The following ROBO1 variants were observed in gnomAD, a reference collection of about 807,000 sequenced individuals.
ROBO1 encodes the protein roundabout homolog 1.
ROBO1 carries 149 observed loss-of-function variants against 195.9 expected under a neutral mutation model. That is an observed-to-expected ratio of 0.76 (90% CI 0.67 to 0.87). The LOEUF (loss-of-function observed/expected upper bound fraction) is 0.87, where lower values mean the gene tolerates loss of function less well. Among genes scored for constraint, ROBO1 ranks in the 40% least tolerant of loss-of-function variants. ROBO1 has a pLI of 0.00. For missense variants in ROBO1, 1,933 were observed against 2,068.3 expected (o/e 0.93, Z 1.27); for synonymous variants, 816 against 733.2 (o/e 1.11, Z -1.82).
intron 4 of ROBO1, among the ~76,000 whole-genome samples, chr3:78,809,061 A>G (rs1024270286): frequency 6.6e-6 from 1 of 152,148 alleles, no homozygotes; most frequent in East Asian, 1.9e-4. Flanking sequence ...TGAACAGGCA[A>G]CCTACAGAAT....
At chr3:79,270,042 C>T (rs1020812314) in intron 2 of ROBO1, among the ~76,000 whole-genome samples, 3 of 151,772 alleles carry the variant, frequency 2.0e-5, no homozygotes, top group African/African-American at 7.2e-5. Flanking sequence ...GTGTCTGCTG[C>T]TGCACAGATA....
At chr3:78,832,749 C>A (rs777862341) in intron 4 of ROBO1, among the ~76,000 whole-genome samples, 3 of 152,030 alleles carry the variant, frequency 2.0e-5, no homozygotes, top group Non-Finnish European at 2.9e-5. Flanking sequence ...GTAGAAAAAA[C>A]TAGGCTAGGT....
At chr3:78,735,382 G>A (rs1178397625) in intron 5 of ROBO1, among the ~76,000 whole-genome samples, 1 of 152,126 alleles carries the variant, frequency 6.6e-6, no homozygotes, top group African/African-American at 2.4e-5. Flanking sequence ...ACTTGACCAA[G>A]GTCTGGTTGT....
intron 1 of ROBO1, among the ~76,000 whole-genome samples, chr3:79,744,358 TAAG>T (rs1703780069): frequency 6.6e-6 from 1 of 152,156 alleles, no homozygotes; most frequent in South Asian, 2.1e-4. Flanking sequence ...AAAAAATAGT[TAAG>T]AAATAAACCC....
intron 27 of ROBO1, among the ~76,000 whole-genome samples, chr3:78,615,677 A>G (rs1252088536): frequency 6.6e-6 from 1 of 152,228 alleles, no homozygotes; most frequent in Non-Finnish European, 1.5e-5. Context: ...TCACAAATCC[A>G]GAACTTTCTA....
At chr3:79,142,117 T>C (rs1257519935) in intron 2 of ROBO1, among the ~76,000 whole-genome samples, 4 of 152,116 alleles carry the variant, frequency 2.6e-5, no homozygotes, top group Non-Finnish European at 5.9e-5. Context: ...GAAAATAAAA[T>C]AGCTATTTTT....
At chr3:79,194,712 C>A (rs1175892712) in intron 2 of ROBO1, among the ~76,000 whole-genome samples, 1 of 151,638 alleles carries the variant, frequency 6.6e-6, no homozygotes, top group Admixed American at 6.6e-5. Flanking sequence ...TTCACTTACT[C>A]TTTTATTGTA....
At chr3:79,584,732 G>A (rs1331806849) in intron 2 of ROBO1, among the ~76,000 whole-genome samples, 1 of 150,490 alleles carries the variant, frequency 6.6e-6, no homozygotes, top group Non-Finnish European at 1.5e-5. Context: ...TGTGATTAGA[G>A]ATGAGCCCTC....
At chr3:79,564,467 T>G (rs1263890186) in intron 2 of ROBO1, among the ~76,000 whole-genome samples, 1 of 152,084 alleles carries the variant, frequency 6.6e-6, no homozygotes, top group East Asian at 1.9e-4. Flanking sequence ...AATTTCTGTT[T>G]GTCAGAAATT....
At chr3:78,786,214 T>G (rs1011958911) in intron 4 of ROBO1, among the ~76,000 whole-genome samples, 12 of 152,144 alleles carry the variant, frequency 7.9e-5, no homozygotes, top group Admixed American at 7.9e-4. Context: ...GTCACCTGAG[T>G]TTGATTTGCA....
intron 2 of ROBO1, among the ~76,000 whole-genome samples, chr3:79,164,062 G>C (rs531742732): frequency 6.6e-6 from 1 of 152,112 alleles, no homozygotes; most frequent in South Asian, 2.1e-4. Flanking sequence ...AGATCACAGT[G>C]AAATCCTCCA....
chr3:79,371,166 T>C (rs2036179392), intron 2 of ROBO1, among the ~76,000 whole-genome samples: 1 of 152,176 alleles, frequency 6.6e-6, no homozygotes, highest in Non-Finnish European at 1.5e-5. Context: ...TGTGTCTTTA[T>C]AGTAAAATGA....
At chr3:78,702,750 A>G (rs901089797) in intron 8 of ROBO1, among the ~76,000 whole-genome samples, 2 of 152,156 alleles carry the variant, frequency 1.3e-5, no homozygotes, top group Non-Finnish European at 1.5e-5. Flanking sequence ...TTATACATCT[A>G]TATAATTGGG....
chr3:79,598,358 A>T (rs1016318274), intron 1 of ROBO1, among the ~76,000 whole-genome samples: 3 of 152,028 alleles, frequency 2.0e-5, no homozygotes, highest in African/African-American at 7.2e-5. Flanking sequence ...AATTCAGGAA[A>T]AGTAGCATTT....
Position 79,484,755 on chromosome 3 carries a change from C to CTTTTT in ROBO1, c.88+105064_88+105068dup, listed in dbSNP as rs1158213253. ...TTATACACCACTATCATTGCACTAT[C>CTTTTT]TTTTTTTTTTTTTTTTTGAGACAGA... is the stretch of plus-strand genomic sequence containing the variant. On this transcript the variant is annotated intron_variant, in intron 2 of 30. Coordinates refer to ENST00000464233, the MANE Select transcript of ROBO1 (RefSeq NM_002941.4). 1.0e-4 allele frequency among the ~76,000 whole-genome samples: 7 copies of CTTTTT among 66,884 alleles called. 3 individuals are homozygous for CTTTTT. Among genetic ancestry groups the CTTTTT allele is most frequent in the South Asian group, 1.6e-3 (2 of 1,254 alleles). 43.9% of individuals were successfully genotyped at this position (66,884 alleles called of 152,430 possible).
chr3:78,601,794 T>C lies in ROBO1; in HGVS notation c.4745-1485A>G, dbSNP rs184015484. On this transcript the variant is annotated intron_variant, in intron 29 of 30. Transcript: ENST00000464233. ...ACTATGAAACTGAGAAAATTGATAA[T>C]GCTAACCGTGTTTCCAGCCTTGTGT... 4.3e-3 allele frequency among the ~76,000 whole-genome samples: 661 copies of C among 152,248 alleles called. 4 individuals carry two copies. Among genetic ancestry groups the C allele is most frequent in the African/African-American group, 0.015 (625 of 41,550 alleles).
At chr3:78,988,239 C>T (rs763150484) in intron 3 of ROBO1, among the ~76,000 whole-genome samples, 5 of 151,992 alleles carry the variant, frequency 3.3e-5, no homozygotes, top group Non-Finnish European at 7.4e-5. Context: ...TTTTTGTCAG[C>T]GTTTTCATCA....
intron 1 of ROBO1, among the ~76,000 whole-genome samples, chr3:79,680,877 A>G (rs1269373636): frequency 6.6e-6 from 1 of 151,984 alleles, no homozygotes; most frequent in Non-Finnish European, 1.5e-5. Flanking sequence ...TTTAAATGCC[A>G]GATGAAGTGA....
At chr3:78,949,204 T>A (rs1429392383) in intron 3 of ROBO1, among the ~76,000 whole-genome samples, 2 of 130,722 alleles carry the variant, frequency 1.5e-5, no homozygotes, top group Non-Finnish European at 3.1e-5. Context: ...CATCGCCAAG[T>A]CAATCCTAAG....
Sources: gnomAD v4.1 joint callset for allele counts (sites outside exome capture counted in the v4.1 genomes callset) on GRCh38, gnomAD v4.1.1 for gene constraint, MANE v1.5 for transcripts, NCBI Gene and HGNC (gene_info 2026-07-23, HGNC 2026-07-21) for gene names.